The following CADM2 variants were observed in gnomAD, a reference collection of about 807,000 sequenced individuals.
The protein encoded by CADM2 is immunoglobulin superfamily member 4D.
A neutral mutation model predicts 49.8 loss-of-function variants in CADM2; 12 were observed. That is an observed-to-expected ratio of 0.24 (90% CI 0.15 to 0.39). CADM2 has a LOEUF of 0.39. Ranked by LOEUF, CADM2 falls within the 10% of genes least tolerant of loss-of-function variation. The pLI, the probability that CADM2 is intolerant of heterozygous loss-of-function variation, is 1.00. For missense variants in CADM2, 378 were observed against 492.3 expected (o/e 0.77, Z 2.20); for synonymous variants, 214 against 175.4 (o/e 1.22, Z -1.74).
rs1489930648 is a variant in CADM2, at chr3:86,070,181, C to G, written c.*3398C>G. 6.6e-6 allele frequency: 1 copy of G among 151,890 alleles called. No individual in the cohort carries two copies. Among genetic ancestry groups the G allele is most frequent in the Admixed American group, 6.6e-5 (1 of 15,232 alleles). 9.4% of individuals were successfully genotyped at this position (151,890 alleles called of 1,614,324 possible). On this transcript the variant is annotated 3_prime_UTR_variant, in exon 10 of 10. Coordinates refer to ENST00000383699, the MANE Select transcript of CADM2 (RefSeq NM_001167675.2). ...ATAACAAATAGAGAAAGAAAACTAA[C>G]TTTCCTAAATATGGCAAAGAAACTA... is the stretch of plus-strand genomic sequence containing the variant.
chr3:85,903,783 C>T (rs893126685), intron 5 of CADM2, among the ~76,000 whole-genome samples: 14 of 152,136 alleles, frequency 9.2e-5, no homozygotes, highest in Non-Finnish European at 1.6e-4. Flanking sequence ...TAGTATCACA[C>T]CCAGTGATTC....
chr3:85,780,193 G>A (rs1381458720), intron 2 of CADM2, among the ~76,000 whole-genome samples: 1 of 152,094 alleles, frequency 6.6e-6, no homozygotes, highest in African/African-American at 2.4e-5. Context: ...AGAAAAATAA[G>A]GGTGTGACTA....
At chr3:85,510,105 C>G (rs531181742) in intron 1 of CADM2, among the ~76,000 whole-genome samples, 1 of 151,860 alleles carries the variant, frequency 6.6e-6, no homozygotes, top group Non-Finnish European at 1.5e-5. Context: ...TAAGCAAAAT[C>G]ACTCCATGAA....
chr3:85,229,814 C>A (rs2042247349), intron 1 of CADM2, among the ~76,000 whole-genome samples: 1 of 152,134 alleles, frequency 6.6e-6, no homozygotes, highest in African/African-American at 2.4e-5. Context: ...GTCTTCATAG[C>A]CTTTCTTGGC....
intron 1 of CADM2, among the ~76,000 whole-genome samples, chr3:85,478,825 G>T (rs2039089003): frequency 6.6e-6 from 1 of 151,938 alleles, no homozygotes; most frequent in Non-Finnish European, 1.5e-5. Context: ...ATAGTATATT[G>T]TTATTACTGA....
intron 1 of CADM2, among the ~76,000 whole-genome samples, chr3:85,690,547 A>T (rs1240355955): frequency 1.3e-5 from 2 of 152,126 alleles, no homozygotes; most frequent in Non-Finnish European, 2.9e-5. Flanking sequence ...GGAAGGAGAG[A>T]TAGTGACAGA....
intron 8 of CADM2, among the ~76,000 whole-genome samples, chr3:85,974,058 A>G (rs1280884801): frequency 6.6e-6 from 1 of 151,704 alleles, no homozygotes; most frequent in Non-Finnish European, 1.5e-5. Flanking sequence ...ATTTTAAAAG[A>G]CAAAAACATG....
intron 8 of CADM2, among the ~76,000 whole-genome samples, chr3:86,004,211 T>TAACA (rs1339813215): frequency 2.0e-5 from 3 of 152,108 alleles, no homozygotes; most frequent in Non-Finnish European, 2.9e-5. Context: ...CCAAAGTAAA[T>TAACA]AACATTCCAG....
At position 85,352,472 on chromosome 3, in the gene CADM2, C is replaced by T. The variant is rs994449063; in HGVS notation, c.62-374050C>T. ...ATTTTATGATTATCACATTGGGAAG[C>T]GAGGGATAAAGCTGATTTTGATTGC... On this transcript the variant is annotated intron_variant, in intron 1 of 9. Transcript: ENST00000383699. Among the ~76,000 whole-genome samples, 8 of 152,074 alleles carry T rather than the reference C, an allele frequency of 5.3e-5. No homozygotes were observed. The East Asian group carries it at 1.2e-3, about 22-fold the overall frequency.
chr3:85,012,074 G>GTT (rs1193075907), intron 1 of CADM2, among the ~76,000 whole-genome samples: 2 of 143,728 alleles, frequency 1.4e-5, no homozygotes, highest in East Asian at 4.0e-4. Flanking sequence ...GAAGGGCCTG[G>GTT]TTTTTTTTTT....
intron 1 of CADM2, among the ~76,000 whole-genome samples, chr3:85,501,272 A>G (rs1228331287): frequency 2.0e-5 from 3 of 152,200 alleles, no homozygotes; most frequent in Admixed American, 1.3e-4. Flanking sequence ...TGACTTTAAA[A>G]GTTTTAAGTA....
intron 1 of CADM2, among the ~76,000 whole-genome samples, chr3:85,452,252 G>T (rs1019487892): frequency 6.6e-6 from 1 of 152,022 alleles, no homozygotes; most frequent in Non-Finnish European, 1.5e-5. Context: ...TGCCCAAATT[G>T]TCATATCATG....
intron 1 of CADM2, among the ~76,000 whole-genome samples, chr3:85,079,734 G>A (rs560613079): frequency 6.6e-6 from 1 of 151,854 alleles, no homozygotes; most frequent in Non-Finnish European, 1.5e-5. Context: ...CATAGCAATA[G>A]CTTGAAGAAT....
intron 1 of CADM2, among the ~76,000 whole-genome samples, chr3:85,454,313 A>G (rs1289709672): frequency 2.0e-5 from 3 of 152,106 alleles, no homozygotes; most frequent in Non-Finnish European, 4.4e-5. Context: ...CCTGGGCAAC[A>G]GAGTGAGACT....
At chr3:85,560,877 A>C (rs1451649285) in intron 1 of CADM2, among the ~76,000 whole-genome samples, 1 of 152,230 alleles carries the variant, frequency 6.6e-6, no homozygotes, top group African/African-American at 2.4e-5. Context: ...TAAATGTTTT[A>C]CCATGTTTTC....
At chr3:85,151,594 A>G (rs1468859248) in intron 1 of CADM2, among the ~76,000 whole-genome samples, 4 of 152,144 alleles carry the variant, frequency 2.6e-5, no homozygotes, top group East Asian at 1.9e-4. Context: ...TCAACTTCTT[A>G]TCTTCATTCT....
At chr3:85,933,767 A>G (rs1720876321) in intron 6 of CADM2, among the ~76,000 whole-genome samples, 1 of 152,152 alleles carries the variant, frequency 6.6e-6, no homozygotes. Context: ...AGACCCAGAA[A>G]GACCCAAGGT....
chr3:85,164,236 C>T (rs2040409613), intron 1 of CADM2, among the ~76,000 whole-genome samples: 1 of 151,910 alleles, frequency 6.6e-6, no homozygotes, highest in Admixed American at 6.6e-5. Context: ...TATGATTAAA[C>T]AGAATAAAAC....
chr3:85,035,324 C>T (rs567499404), intron 1 of CADM2, among the ~76,000 whole-genome samples: 1 of 152,240 alleles, frequency 6.6e-6, no homozygotes, highest in African/African-American at 2.4e-5. Flanking sequence ...GTTATTAATT[C>T]ATTGTCTGAT....
Sources: gnomAD v4.1 joint callset for allele counts (sites outside exome capture counted in the v4.1 genomes callset) on GRCh38, gnomAD v4.1.1 for gene constraint, MANE v1.5 for transcripts, NCBI Gene and HGNC (gene_info 2026-07-23, HGNC 2026-07-21) for gene names.